SLC38A4: variants seen among roughly 807,000 people sequenced by gnomAD.
SLC38A4 encodes solute carrier family 38 member 4.
In SLC38A4, 20 loss-of-function variants were observed where a neutral mutation model predicts 63.1. The observed-to-expected ratio is 0.32, with a 90% CI of 0.22 to 0.46. The LOEUF (loss-of-function observed/expected upper bound fraction) is 0.46. Ranked by LOEUF, SLC38A4 falls within the 20% of genes least tolerant of loss-of-function variation. SLC38A4 has a pLI of 1.00. For synonymous variants in SLC38A4, 230 were observed against 225.5 expected (o/e 1.02, Z -0.18); for missense variants, 526 against 663.6 (o/e 0.79, Z 2.28).
At chr12:46,779,192 G>A (rs1263496084) in intron 10 of SLC38A4, among the ~76,000 whole-genome samples, 1 of 151,916 alleles carries the variant, frequency 6.6e-6, no homozygotes, top group Non-Finnish European at 1.5e-5. Flanking sequence ...GGCCTAGAGA[G>A]GAGGATTTCT....
intron 14 of SLC38A4, among the ~76,000 whole-genome samples, chr12:46,770,640 T>A (rs1369518792): frequency 6.6e-6 from 1 of 152,082 alleles, no homozygotes; most frequent in East Asian, 1.9e-4. Context: ...TGGATAAAGA[T>A]CCCTGTGGGC....
intron 10 of SLC38A4, 132 bp downstream of exon 10, chr12:46,779,479 A>G (rs1938595780): frequency 4.0e-6 from 3 of 752,624 alleles, no homozygotes; most frequent in East Asian, 5.1e-5. Context: ...AAATTAGTCT[A>G]CAAGAAAATC....
upstream of SLC38A4, among the ~76,000 whole-genome samples, chr12:46,826,437 C>T (rs1295829271): frequency 6.6e-6 from 1 of 152,136 alleles, no homozygotes; most frequent in East Asian, 1.9e-4. Context: ...AGTAGCAATC[C>T]TATTTTATTG....
At chr12:46,799,072 T>C (rs1939075784) in intron 2 of SLC38A4, among the ~76,000 whole-genome samples, 1 of 152,208 alleles carries the variant, frequency 6.6e-6, no homozygotes, top group African/African-American at 2.4e-5. Flanking sequence ...TGTCAAAGTT[T>C]GGCCTATAGT....
At chr12:46,786,066 C>T (rs977411640) in intron 5 of SLC38A4, among the ~76,000 whole-genome samples, 1 of 151,962 alleles carries the variant, frequency 6.6e-6, no homozygotes, top group African/African-American at 2.4e-5. Flanking sequence ...AATTTTATAA[C>T]CCCTGTAGCT....
rs914878408 is a variant in SLC38A4, at chr12:46,824,723, A to G, written c.-305+1180T>C. Among the ~76,000 whole-genome samples, 3 of 152,238 alleles carry G rather than the reference A, an allele frequency of 2.0e-5. No homozygotes were observed. The East Asian group carries it at 5.8e-4, about 29-fold the overall frequency. The stretch of plus-strand genomic sequence containing the variant: ...GTTTCAGAACGATGAAAATATAGAG[A>G]TGGAAAACAAGTGGTTGCCGGGGTA... On this transcript the variant is annotated intron_variant, in intron 1 of 16. Transcript: ENST00000266579.
intron 14 of SLC38A4, among the ~76,000 whole-genome samples, chr12:46,772,986 A>G (rs2120749933): frequency 6.6e-6 from 1 of 152,226 alleles, no homozygotes; most frequent in East Asian, 1.9e-4. Flanking sequence ...GCCCTAAGTT[A>G]TACGAAATAA....
In SLC38A4 at chr12:46,766,630, A is replaced by C; in HGVS notation, c.*71T>G. 2 of 1,038,920 alleles carry C rather than the reference A, an allele frequency of 1.9e-6. No homozygotes were observed. Among genetic ancestry groups the C allele is most frequent in the Non-Finnish European group, 3.0e-6 (2 of 677,190 alleles). The allele number at this position is 1,038,920 out of a possible 1,614,324, so 64.4% of individuals were successfully genotyped here. A position where few individuals can be genotyped will look rare whatever the true frequency, so the allele number is the denominator to read the frequency against. On this transcript the variant is annotated 3_prime_UTR_variant, in exon 17 of 17. Coordinates refer to ENST00000266579, the MANE Select transcript of SLC38A4 (RefSeq NM_018018.5). ...TCCTATGAATAACATTCCAATCAAG[A>C]TAATTCAAATATCTTTTGGAGTATA...
chr12:46,810,381 G>T (rs964192479), intron 1 of SLC38A4, among the ~76,000 whole-genome samples: 1 of 151,784 alleles, frequency 6.6e-6, no homozygotes, highest in Admixed American at 6.6e-5. Context: ...ACACACCGGG[G>T]CTGTCGGTGG....
At chr12:46,778,183 T>G in intron 12 of SLC38A4, 106 bp downstream of exon 12, 2 of 1,108,096 alleles carry the variant, frequency 1.8e-6, no homozygotes, top group Non-Finnish European at 2.7e-6. Context: ...GAGTACATAT[T>G]TTCTCTGAAG....
intron 2 of SLC38A4, among the ~76,000 whole-genome samples, chr12:46,796,420 T>C (rs1939006576): frequency 1.3e-5 from 2 of 152,318 alleles, no homozygotes; most frequent in South Asian, 4.1e-4. Flanking sequence ...CTGCTCATTT[T>C]CCTTAGTTTC....
At chr12:46,815,849 G>A (rs1939432382) in intron 1 of SLC38A4, among the ~76,000 whole-genome samples, 1 of 151,842 alleles carries the variant, frequency 6.6e-6, no homozygotes, top group African/African-American at 2.4e-5. Flanking sequence ...AGGAGAGATG[G>A]CTTTCTTTAG....
upstream of SLC38A4, among the ~76,000 whole-genome samples, chr12:46,830,199 A>T (rs79413974): frequency 6.6e-6 from 1 of 152,162 alleles, no homozygotes; most frequent in Non-Finnish European, 1.5e-5. Context: ...GAAAGATCAG[A>T]TATTCTTTTC....
chr12:46,776,350 G>T (rs755495300), intron 13 of SLC38A4, among the ~76,000 whole-genome samples: 2 of 151,948 alleles, frequency 1.3e-5, no homozygotes, highest in Non-Finnish European at 2.9e-5. Context: ...TTTTGGTGGT[G>T]CATTCTTAGA....
rs369730409 is a variant in SLC38A4 at position 46,778,567 on chromosome 12, A to G, written c.927T>C (p.Ser309=). The G allele has an allele frequency of 1.9e-6, 3 of 1,612,890 alleles. No homozygotes were observed. The highest frequency in any genetic ancestry group is 2.5e-6 in the Non-Finnish European group (3 of 1,179,400). Residue 309 remains serine, a synonymous_variant, in exon 11 of 17, where the codon AGT becomes AGC. Coordinates refer to ENST00000266579, the MANE Select transcript of SLC38A4 (RefSeq NM_018018.5). ...ENQAKGSLHD[S]GVEYEAHSDD... ...CACTATGAGCTTCATATTCTACTCC[A>G]CTGTCATGAAGAGAGCCCTTGGCCT...
At chr12:46,796,293 C>G (rs901839423) in intron 2 of SLC38A4, among the ~76,000 whole-genome samples, 2 of 151,924 alleles carry the variant, frequency 1.3e-5, no homozygotes, top group African/African-American at 4.8e-5. Context: ...TATATTTTCT[C>G]AGATTTTTCT....
At chr12:46,800,191 T>C (rs914624764) in intron 2 of SLC38A4, among the ~76,000 whole-genome samples, 3 of 152,236 alleles carry the variant, frequency 2.0e-5, no homozygotes, top group Admixed American at 2.0e-4. Flanking sequence ...ATGTCCAACG[T>C]ATCACCAAGT....
intron 2 of SLC38A4, among the ~76,000 whole-genome samples, chr12:46,795,485 C>G (rs1452625829): frequency 1.3e-5 from 2 of 152,038 alleles, no homozygotes; most frequent in Non-Finnish European, 2.9e-5. Context: ...ATTTTCTATG[C>G]TCTTTCTCAT....
chr12:46,789,386 C>T (rs896241758), intron 3 of SLC38A4, among the ~76,000 whole-genome samples: 1 of 152,066 alleles, frequency 6.6e-6, no homozygotes, highest in Non-Finnish European at 1.5e-5. Flanking sequence ...TAAAGCAATT[C>T]AATGAACTGG....
Sources: allele counts gnomAD v4.1 joint callset (sites outside exome capture counted in the v4.1 genomes callset), GRCh38; gene constraint gnomAD v4.1.1; transcripts MANE v1.5; gene names NCBI Gene and HGNC (gene_info 2026-07-23, HGNC 2026-07-21).